Variants in SLC5A11 observed in about 807,000 individuals in gnomAD.
The protein encoded by SLC5A11 is sodium/myo-inositol cotransporter 2.
Under a neutral mutation model 69.8 loss-of-function variants are expected in SLC5A11, and 48 were observed. That is an observed-to-expected ratio of 0.69 (90% CI 0.55 to 0.87). The LOEUF (loss-of-function observed/expected upper bound fraction) is 0.87. Among genes scored for constraint, SLC5A11 ranks in the 40% least tolerant of loss-of-function variants. The pLI is 0.00. For missense variants in SLC5A11, 784 were observed against 866.1 expected, an observed-to-expected ratio of 0.91 and a Z score of 1.19; for synonymous variants, 319 against 342.4, an observed-to-expected ratio of 0.93 and a Z score of 0.75.
chr16:24,892,949 G>A (rs1018159193), intron 9 of SLC5A11, among the ~76,000 whole-genome samples: 5 of 152,000 alleles, frequency 3.3e-5, no homozygotes, highest in Non-Finnish European at 7.4e-5. Flanking sequence ...AAACAGGACT[G>A]ATCCGGGCTA....
chr16:24,848,024 T>C (rs539098818), intron 1 of SLC5A11, among the ~76,000 whole-genome samples: 9 of 152,146 alleles, frequency 5.9e-5, no homozygotes, highest in Admixed American at 1.3e-4. Flanking sequence ...CCAATTTATA[T>C]TGAGGCCAAG....
At chr16:24,874,351 G>A (rs1211773910) in intron 5 of SLC5A11, among the ~76,000 whole-genome samples, 2 of 152,154 alleles carry the variant, frequency 1.3e-5, no homozygotes, top group African/African-American at 4.8e-5. Context: ...CTACCTCTAA[G>A]TGGAATTTCT....
chr16:24,893,179 T>G (rs2048931299), intron 9 of SLC5A11, among the ~76,000 whole-genome samples: 1 of 143,384 alleles, frequency 7.0e-6, no homozygotes, highest in Non-Finnish European at 1.5e-5. Context: ...TCCCAGCTAC[T>G]CAGGAGGCTG....
intron 14 of SLC5A11, among the ~76,000 whole-genome samples, chr16:24,909,300 T>C (rs1455831321): frequency 1.3e-5 from 2 of 152,186 alleles, no homozygotes; most frequent in Admixed American, 1.3e-4. Flanking sequence ...AGGTCCCATA[T>C]GGAGCCCAGT....
intron 1 of SLC5A11, among the ~76,000 whole-genome samples, chr16:24,849,593 A>AT (rs61292571): frequency 5.8e-3 from 207 of 35,790 alleles, no homozygotes; most frequent in East Asian, 0.027. Context: ...AAAAAAAAAA[A>AT]ATATATATAT....
chr16:24,879,080 G>C (rs1243094918), intron 7 of SLC5A11, among the ~76,000 whole-genome samples: 2 of 151,928 alleles, frequency 1.3e-5, no homozygotes. Context: ...TATAACCTGA[G>C]AAGTGCTATA....
At chr16:24,903,228 A>C (rs1237267629) in intron 10 of SLC5A11, among the ~76,000 whole-genome samples, 1 of 151,534 alleles carries the variant, frequency 6.6e-6, no homozygotes, top group African/African-American at 2.4e-5. Flanking sequence ...TAATTATTTT[A>C]ATACAAATTG....
At chr16:24,897,737 G>A (rs2152391679) in intron 9 of SLC5A11, among the ~76,000 whole-genome samples, 1 of 152,304 alleles carries the variant, frequency 6.6e-6, no homozygotes, top group East Asian at 1.9e-4. Context: ...GGCAAAGAGA[G>A]AATGAGAGCC....
At chr16:24,870,089 C>A in intron 4 of SLC5A11, 84 bp downstream of exon 5, 2 of 991,988 alleles carry the variant, frequency 2.0e-6, no homozygotes, top group Non-Finnish European at 1.6e-6. Flanking sequence ...GAATGCCCTG[C>A]ACTTTAAAAA....
At position 24,870,985 on chromosome 16, in the gene SLC5A11, G is replaced by A. The variant is rs138542638; in HGVS notation, c.312+980G>A. On this transcript the variant is annotated intron_variant, in intron 4 of 15. Transcript: ENST00000347898. ...TACTCAAGGGATAAGATACACTCTC[G>A]TATATAGCAGGGCTCATTTGGGATA... Among the ~76,000 whole-genome samples, 615 of 152,120 alleles carry A rather than the reference G, an allele frequency of 4.0e-3. 4 individuals carry two copies. Among genetic ancestry groups the A allele is most frequent in the Middle Eastern group, 6.8e-3 (2 of 294 alleles).
At chr16:24,880,413 C>T (rs2047964951) in intron 7 of SLC5A11, among the ~76,000 whole-genome samples, 1 of 152,184 alleles carries the variant, frequency 6.6e-6, no homozygotes, top group Non-Finnish European at 1.5e-5. Flanking sequence ...CAGCTCACCA[C>T]AACCTCCACC....
chr16:24,873,993 CT>C (rs1283675157), intron 5 of SLC5A11, among the ~76,000 whole-genome samples: 2 of 151,846 alleles, frequency 1.3e-5, no homozygotes. Context: ...CGCCCGACTA[CT>C]TTTTGTATTT....
chr16:24,891,973 T>G (rs2048842345), intron 9 of SLC5A11, among the ~76,000 whole-genome samples: 1 of 150,588 alleles, frequency 6.6e-6, no homozygotes. Flanking sequence ...CTCACACACT[T>G]TAGGATGCTG....
chr16:24,907,651 T>C (rs1260936195), intron 12 of SLC5A11, among the ~76,000 whole-genome samples: 6 of 151,652 alleles, frequency 4.0e-5, no homozygotes, highest in Non-Finnish European at 8.8e-5. Flanking sequence ...GAGGTTGCAG[T>C]GAGCCAAGAT....
intron 8 of SLC5A11, among the ~76,000 whole-genome samples, chr16:24,886,063 C>A (rs2048377056): frequency 6.9e-6 from 1 of 144,692 alleles, no homozygotes; most frequent in Non-Finnish European, 1.5e-5. Flanking sequence ...GAGATGAAGT[C>A]TCGCTCTGTC....
At position 24,891,481 on chromosome 16, in the gene SLC5A11, T is replaced by TTTA. The variant is rs547129085; in HGVS notation, c.870+422_870+424dup. ...AGGCACATGCCACCATGCCCAGCTA[T>TTTA]TTATTATTATTATTATTTTTTAGTA... On this transcript the variant is annotated intron_variant, in intron 9 of 15. Coordinates refer to ENST00000347898, the Ensembl canonical transcript of SLC5A11. Among the ~76,000 whole-genome samples the TTTA allele has an allele frequency of 9.4e-4, 143 of 151,524 alleles. 1 individual carries two copies. The highest frequency in any genetic ancestry group is 3.2e-3 in the African/African-American group (134 of 41,322).
chr16:24,849,595 T>A (rs201679847), intron 1 of SLC5A11, among the ~76,000 whole-genome samples: 3,095 of 55,480 alleles, frequency 0.056, 99 homozygotes, highest in African/African-American at 0.11. Flanking sequence ...AAAAAAAAAA[T>A]ATATATATAT....
chr16:24,905,345 T>C (rs1567693952), intron 10 of SLC5A11, among the ~76,000 whole-genome samples: 1 of 149,346 alleles, frequency 6.7e-6, no homozygotes, highest in South Asian at 2.1e-4. Flanking sequence ...CTAGGAGGCT[T>C]AGGCAGGAGA....
intron 10 of SLC5A11, among the ~76,000 whole-genome samples, chr16:24,903,020 A>C (rs1873613294): frequency 1.3e-5 from 2 of 152,146 alleles, no homozygotes; most frequent in African/African-American, 4.8e-5. Flanking sequence ...AGAGAGAGTG[A>C]AGTGGGCATT....
Sources: gnomAD v4.1 joint callset for allele counts (sites outside exome capture counted in the v4.1 genomes callset) on GRCh38, gnomAD v4.1.1 for gene constraint, MANE v1.5 for transcripts, NCBI Gene and HGNC (gene_info 2026-07-23, HGNC 2026-07-21) for gene names.